GPR39: variants seen among roughly 807,000 people sequenced by gnomAD.
The protein encoded by GPR39 is G protein-coupled receptor 39.
A neutral mutation model predicts 18.4 loss-of-function variants in GPR39; 23 were observed. That is an observed-to-expected ratio of 1.25 (90% CI 0.90 to 1.77). GPR39 has a LOEUF of 1.77. Ranked by LOEUF, GPR39 falls within the 40% of genes most tolerant of loss-of-function variation. The pLI is 0.00. For missense variants in GPR39, 647 were observed against 602.4 expected, an observed-to-expected ratio of 1.07 and a Z score of -0.78; for synonymous variants, 280 against 257.9, an observed-to-expected ratio of 1.09 and a Z score of -0.82.
chr2:132,553,548 C>T (rs1343521351), intron 1 of GPR39, among the ~76,000 whole-genome samples: 1 of 151,952 alleles, frequency 6.6e-6, no homozygotes, highest in Non-Finnish European at 1.5e-5. Flanking sequence ...CACAGTCCCT[C>T]CTCGAGGGAC....
chr2:132,449,255 T>TTTGGTTG (rs71994549), intron 1 of GPR39, among the ~76,000 whole-genome samples: 61 of 150,690 alleles, frequency 4.0e-4, no homozygotes, highest in Admixed American at 2.8e-3. Context: ...TTGTTTGTTT[T>TTTGGTTG]GTTTTGTTTT....
At chr2:132,635,019 G>A (rs952815862) in intron 1 of GPR39, among the ~76,000 whole-genome samples, 23 of 152,202 alleles carry the variant, frequency 1.5e-4, no homozygotes, top group African/African-American at 5.5e-4. Context: ...CTCAACCCCT[G>A]TCTAGTTCTC....
intron 1 of GPR39, among the ~76,000 whole-genome samples, chr2:132,526,972 T>C (rs1679526278): frequency 6.6e-6 from 1 of 152,212 alleles, no homozygotes; most frequent in Non-Finnish European, 1.5e-5. Flanking sequence ...GTGGGATACA[T>C]GTGCAGAATG....
chr2:132,531,818 T>C (rs1433523291), intron 1 of GPR39, among the ~76,000 whole-genome samples: 1 of 152,030 alleles, frequency 6.6e-6, no homozygotes, highest in South Asian at 2.1e-4. Flanking sequence ...AAAGACACAA[T>C]ATACCAGAAT....
chr2:132,484,768 T>A (rs1681299269), intron 1 of GPR39, among the ~76,000 whole-genome samples: 1 of 152,160 alleles, frequency 6.6e-6, no homozygotes, highest in Admixed American at 6.5e-5. Context: ...CCTCACACAG[T>A]TTATATGCTC....
intron 1 of GPR39, among the ~76,000 whole-genome samples, chr2:132,597,293 C>T (rs1355752881): frequency 6.6e-6 from 1 of 152,232 alleles, no homozygotes; most frequent in Admixed American, 6.5e-5. Flanking sequence ...ATCAGCTTCC[C>T]AGCCTGGGCA....
chr2:132,570,488 G>A (rs530310879), intron 1 of GPR39, among the ~76,000 whole-genome samples: 1 of 152,146 alleles, frequency 6.6e-6, no homozygotes, highest in East Asian at 1.9e-4. Flanking sequence ...TTGCTGATCA[G>A]TCATATTGTT....
intron 1 of GPR39, among the ~76,000 whole-genome samples, chr2:132,551,934 AT>A (rs1680052153): frequency 6.6e-6 from 1 of 152,188 alleles, no homozygotes; most frequent in Non-Finnish European, 1.5e-5. Context: ...AAGAAAAAAC[AT>A]TTGGGGCACA....
intron 1 of GPR39, among the ~76,000 whole-genome samples, chr2:132,427,145 T>TAC (rs1360261304): frequency 1.2e-5 from 1 of 81,956 alleles, no homozygotes; most frequent in African/African-American, 6.6e-5. Context: ...TATATATATA[T>TAC]ATATATATAT....
At position 132,645,942 on chromosome 2, in the gene GPR39, C is replaced by A. The variant is rs1028017282; in HGVS notation, c.*336C>A. 3.5e-6 allele frequency: 3 copies of A among 860,222 alleles called. No homozygotes were observed. The highest frequency in any genetic ancestry group is 5.3e-6 in the Non-Finnish European group (3 of 567,030). 53.3% of individuals were successfully genotyped at this position (860,222 alleles called of 1,614,324 possible). A position where few individuals can be genotyped will look rare whatever the true frequency, so the allele number is the denominator to read the frequency against. On this transcript the variant is annotated 3_prime_UTR_variant, in exon 2 of 2. Transcript: ENST00000329321. ...AGAGAACACGGACTCCCGCTCCCTA[C>A]CCAGAATAAAAGGACACCCAGAAGA... is the stretch of plus-strand genomic sequence containing the variant.
At chr2:132,530,537 C>T (rs1466227124) in intron 1 of GPR39, among the ~76,000 whole-genome samples, 1 of 150,506 alleles carries the variant, frequency 6.6e-6, no homozygotes, top group African/African-American at 2.4e-5. Context: ...AAGACCAACT[C>T]CAAGACACAT....
At chr2:132,470,564 G>T (rs368663174) in intron 1 of GPR39, among the ~76,000 whole-genome samples, 4 of 152,162 alleles carry the variant, frequency 2.6e-5, no homozygotes, top group Admixed American at 2.0e-4. Context: ...AAGGATGCTG[G>T]CTTCTATTCT....
At chr2:132,489,178 C>G (rs1558813118) in intron 1 of GPR39, 1 of 229,234 alleles carries the variant, frequency 4.4e-6, no homozygotes, top group Non-Finnish European at 9.2e-6. Flanking sequence ...GTCTGGTACA[C>G]AAATGCATCT....
chr2:132,615,044 C>A (rs1558859572), intron 1 of GPR39, among the ~76,000 whole-genome samples: 1 of 152,302 alleles, frequency 6.6e-6, no homozygotes, highest in East Asian at 1.9e-4. Context: ...CGGCTCTGTT[C>A]GTTTGCTGCC....
intron 1 of GPR39, among the ~76,000 whole-genome samples, chr2:132,493,793 C>T (rs1681580834): frequency 6.6e-6 from 1 of 151,900 alleles, no homozygotes; most frequent in South Asian, 2.1e-4. Flanking sequence ...CAGAGCACCA[C>T]AGGCTATAGC....
At chr2:132,544,344 C>A (rs891439364) in intron 1 of GPR39, among the ~76,000 whole-genome samples, 4 of 152,164 alleles carry the variant, frequency 2.6e-5, no homozygotes, top group African/African-American at 9.7e-5. Context: ...GGCAGGCCAT[C>A]TTGAGACAAA....
At chr2:132,517,054 A>AT (rs57002536) in intron 1 of GPR39, among the ~76,000 whole-genome samples, 41 of 151,432 alleles carry the variant, frequency 2.7e-4, no homozygotes, top group East Asian at 7.8e-4. Flanking sequence ...TAAAATGCGC[A>AT]TTTTTTTTTA....
At chr2:132,571,992 C>T (rs1032015722) in intron 1 of GPR39, among the ~76,000 whole-genome samples, 49 of 152,182 alleles carry the variant, frequency 3.2e-4, no homozygotes, top group Middle Eastern at 3.4e-3. Context: ...TACAAAAGCG[C>T]GTGAAGTGTG....
intron 1 of GPR39, among the ~76,000 whole-genome samples, chr2:132,528,353 CCAG>C (rs773391812): frequency 3.3e-5 from 5 of 151,980 alleles, no homozygotes; most frequent in Non-Finnish European, 7.4e-5. Context: ...TAGTTTGAAC[CCAG>C]GTAGCATGAT....
Sources: allele counts gnomAD v4.1 joint callset (sites outside exome capture counted in the v4.1 genomes callset), GRCh38; gene constraint gnomAD v4.1.1; transcripts MANE v1.5; gene names NCBI Gene and HGNC (gene_info 2026-07-23, HGNC 2026-07-21).